LUZP2: variants seen among roughly 807,000 people sequenced by gnomAD.
LUZP2 encodes leucine zipper protein 2.
In LUZP2, 52 loss-of-function variants were observed where a neutral mutation model predicts 51.6. That is an observed-to-expected ratio of 1.01 (90% CI 0.81 to 1.27). The LOEUF (loss-of-function observed/expected upper bound fraction) is 1.27, where lower values mean the gene tolerates loss of function less well. Among genes scored for constraint, LUZP2 ranks in the 50% most tolerant of loss-of-function variants. LUZP2 has a pLI of 0.00. For missense variants in LUZP2, 436 were observed against 395.4 expected, an observed-to-expected ratio of 1.10 and a Z score of -0.87; for synonymous variants, 154 against 137.3, an observed-to-expected ratio of 1.12 and a Z score of -0.85.
At chr11:24,815,408 G>T (rs1850150972) in intron 5 of LUZP2, among the ~76,000 whole-genome samples, 1 of 152,126 alleles carries the variant, frequency 6.6e-6, no homozygotes. Flanking sequence ...AAGGAGTTTA[G>T]CTTTAGGCAT....
chr11:24,767,646 C>T (rs753963127), intron 5 of LUZP2, among the ~76,000 whole-genome samples: 15 of 152,108 alleles, frequency 9.9e-5, no homozygotes, highest in Non-Finnish European at 1.8e-4. Flanking sequence ...AATCAAGCAA[C>T]GATAACGTCA....
At chr11:24,524,826 A>G (rs1409290515) in intron 1 of LUZP2, among the ~76,000 whole-genome samples, 1 of 151,708 alleles carries the variant, frequency 6.6e-6, no homozygotes, top group African/African-American at 2.4e-5. Context: ...CCCAATCATT[A>G]CTACTTCCAC....
At chr11:24,910,896 C>A (rs555951679) in intron 6 of LUZP2, among the ~76,000 whole-genome samples, 9 of 152,178 alleles carry the variant, frequency 5.9e-5, no homozygotes, top group African/African-American at 2.2e-4. Flanking sequence ...CATGGGCACT[C>A]AATGCTAGCC....
chr11:24,822,681 C>G (rs1408373953), intron 5 of LUZP2, among the ~76,000 whole-genome samples: 1 of 152,104 alleles, frequency 6.6e-6, no homozygotes, highest in Admixed American at 6.5e-5. Context: ...GCCTCCCTGA[C>G]TTGTTTACCT....
At chr11:24,556,283 C>T (rs12295653) in intron 1 of LUZP2, among the ~76,000 whole-genome samples, 63,709 of 151,868 alleles carry the variant, frequency 0.42, 13,882 homozygotes, top group African/African-American at 0.52. Flanking sequence ...TTCACTTTCT[C>T]AATTTTCCAT....
intron 7 of LUZP2, among the ~76,000 whole-genome samples, chr11:24,918,395 G>C (rs1853872050): frequency 6.6e-6 from 1 of 151,882 alleles, no homozygotes; most frequent in African/African-American, 2.4e-5. Context: ...GGTGAGAGAG[G>C]CCATCCCTCT....
chr11:24,870,279 A>G (rs1433484097), intron 5 of LUZP2, among the ~76,000 whole-genome samples: 1 of 152,158 alleles, frequency 6.6e-6, no homozygotes, highest in African/African-American at 2.4e-5. Flanking sequence ...AAGCCTCTCA[A>G]TCATACAATT....
intron 1 of LUZP2, among the ~76,000 whole-genome samples, chr11:24,657,272 T>G (rs1411016998): frequency 6.6e-6 from 1 of 152,126 alleles, no homozygotes; most frequent in African/African-American, 2.4e-5. Context: ...CAGGACAAAC[T>G]TATATATTAA....
At chr11:24,926,207 G>A (rs866191529) in intron 7 of LUZP2, among the ~76,000 whole-genome samples, 3 of 144,482 alleles carry the variant, frequency 2.1e-5, no homozygotes, top group Non-Finnish European at 4.5e-5. Flanking sequence ...ATATATGTGT[G>A]TATATATATA....
At chr11:24,741,942 T>C (rs1859174530) in intron 4 of LUZP2, among the ~76,000 whole-genome samples, 1 of 132,190 alleles carries the variant, frequency 7.6e-6, no homozygotes, top group Non-Finnish European at 1.6e-5. Flanking sequence ...TATATAAATA[T>C]ATACATTTAT....
intron 9 of LUZP2, among the ~76,000 whole-genome samples, chr11:25,005,153 G>A (rs1039454363): frequency 6.6e-5 from 10 of 152,088 alleles, no homozygotes; most frequent in East Asian, 1.9e-4. Context: ...ACTGATAGCC[G>A]GGTGGATTTT....
intron 10 of LUZP2, among the ~76,000 whole-genome samples, chr11:25,062,791 C>T (rs1335321328): frequency 4.0e-5 from 6 of 151,118 alleles, no homozygotes; most frequent in Admixed American, 1.3e-4. Flanking sequence ...TATATAATTT[C>T]ATATTATATG....
At chr11:25,065,979 TATC>T (rs1858987315) in intron 10 of LUZP2, among the ~76,000 whole-genome samples, 1 of 152,144 alleles carries the variant, frequency 6.6e-6, no homozygotes, top group East Asian at 1.9e-4. Flanking sequence ...CCTCTGCACT[TATC>T]ATGCTTAGCA....
intron 1 of LUZP2, among the ~76,000 whole-genome samples, chr11:24,507,494 A>T (rs1850178129): frequency 6.6e-6 from 1 of 152,094 alleles, no homozygotes; most frequent in South Asian, 2.1e-4. Context: ...AGCTTTCTTT[A>T]AAGGGCTGAG....
chr11:24,963,950 A>T (rs1252667719), intron 7 of LUZP2, among the ~76,000 whole-genome samples: 2 of 152,164 alleles, frequency 1.3e-5, no homozygotes, highest in African/African-American at 4.8e-5. Context: ...ACTATTGTAG[A>T]TATTGCTGCA....
intron 5 of LUZP2, among the ~76,000 whole-genome samples, chr11:24,765,579 G>T (rs1039934900): frequency 6.6e-6 from 1 of 151,354 alleles, no homozygotes; most frequent in African/African-American, 2.4e-5. Context: ...CATATGTTAA[G>T]AAATGAGATA....
chr11:24,991,005 G>A (rs1426748476), intron 9 of LUZP2, among the ~76,000 whole-genome samples: 1 of 151,614 alleles, frequency 6.6e-6, no homozygotes, highest in Non-Finnish European at 1.5e-5. Context: ...TGGAGAACAG[G>A]TGGTGTTTGG....
At chr11:24,938,363 A>G (rs962692607) in intron 7 of LUZP2, among the ~76,000 whole-genome samples, 4 of 152,188 alleles carry the variant, frequency 2.6e-5, no homozygotes, top group African/African-American at 9.7e-5. Flanking sequence ...GAAAGAGTAC[A>G]TTGTCCTTTT....
At chr11:24,882,625 T>C (rs1289252557) in intron 5 of LUZP2, among the ~76,000 whole-genome samples, 1 of 151,766 alleles carries the variant, frequency 6.6e-6, no homozygotes, top group Non-Finnish European at 1.5e-5. Context: ...CTCTTAACCT[T>C]CGGTAAGTTT....
Sources: allele counts gnomAD v4.1 joint callset (sites outside exome capture counted in the v4.1 genomes callset), GRCh38; gene constraint gnomAD v4.1.1; transcripts MANE v1.5; gene names NCBI Gene and HGNC (gene_info 2026-07-23, HGNC 2026-07-21).